Variants in KCNB2 observed in about 807,000 individuals in gnomAD.
KCNB2 encodes potassium voltage-gated channel subfamily B member 2, also known as delayed rectifier potassium channel protein.
KCNB2 carries 15 observed loss-of-function variants against 61.5 expected under a neutral mutation model. The observed-to-expected ratio is 0.24, with a 90% CI of 0.16 to 0.38. The LOEUF (loss-of-function observed/expected upper bound fraction) is 0.38. Among genes scored for constraint, KCNB2 ranks in the 10% least tolerant of loss-of-function variants. The pLI, the probability that KCNB2 is intolerant of heterozygous loss-of-function variation, is 1.00. For missense variants in KCNB2, 828 were observed against 1,125.2 expected, an observed-to-expected ratio of 0.74 and a Z score of 3.78; for synonymous variants, 457 against 446.0, an observed-to-expected ratio of 1.02 and a Z score of -0.31.
At chr8:72,652,137 A>T (rs1299915899) in intron 2 of KCNB2, among the ~76,000 whole-genome samples, 3 of 152,156 alleles carry the variant, frequency 2.0e-5, no homozygotes, top group African/African-American at 7.2e-5. Flanking sequence ...CCCTTGGACA[A>T]ATTTTGTAAA....
At chr8:72,906,362 C>T (rs1462114030) in intron 2 of KCNB2, among the ~76,000 whole-genome samples, 1 of 152,208 alleles carries the variant, frequency 6.6e-6, no homozygotes, top group African/African-American at 2.4e-5. Context: ...GTATCAAAAA[C>T]ACTTCCAGAA....
chr8:72,634,397 G>A (rs1805933262), intron 2 of KCNB2, among the ~76,000 whole-genome samples: 1 of 152,212 alleles, frequency 6.6e-6, no homozygotes, highest in African/African-American at 2.4e-5. Context: ...TCTGAGATGA[G>A]GCCTGAAATT....
chr8:72,647,152 A>G (rs922693719), intron 2 of KCNB2, among the ~76,000 whole-genome samples: 2 of 152,104 alleles, frequency 1.3e-5, no homozygotes, highest in African/African-American at 4.8e-5. Flanking sequence ...ATGTCCTAAA[A>G]TAGTTGTGGA....
chr8:72,631,075 ATAAC>A (rs1330791674), intron 2 of KCNB2, among the ~76,000 whole-genome samples: 2 of 152,220 alleles, frequency 1.3e-5, no homozygotes, highest in African/African-American at 2.4e-5. Flanking sequence ...ATGAACAACA[ATAAC>A]TAATAATAAA....
chr8:72,785,792 A>G (rs1808836579), intron 2 of KCNB2, among the ~76,000 whole-genome samples: 1 of 152,174 alleles, frequency 6.6e-6, no homozygotes, highest in Non-Finnish European at 1.5e-5. Context: ...TAAATGTAGA[A>G]GATGAGATTC....
chr8:72,859,392 A>G (rs1238474042), intron 2 of KCNB2, among the ~76,000 whole-genome samples: 6 of 152,164 alleles, frequency 3.9e-5, no homozygotes, highest in Admixed American at 1.3e-4. Context: ...CAATCCACCC[A>G]TTTAAAAGTA....
chr8:72,791,446 G>A (rs1201835205), intron 2 of KCNB2, among the ~76,000 whole-genome samples: 5 of 152,136 alleles, frequency 3.3e-5, no homozygotes, highest in Non-Finnish European at 7.4e-5. Context: ...CCACTTGGGA[G>A]GCTGAGGCAG....
rs866597271 is a variant in KCNB2 at position 72,568,182 on chromosome 8, G to A, written c.448G>A (p.Glu150Lys). 1 of 1,613,982 alleles carries A rather than the reference G, an allele frequency of 6.2e-7. No individual in the cohort carries two copies. ...RYHQKKEQMN[E>K]ELRREAETMR... ...TCATCAAAAAAAAGAACAAATGAAC[G>A]AAGAACTGAGGCGAGAGGCAGAGAC... Residue 150 changes from glutamate to lysine, a missense_variant, in exon 2 of 3, where the codon GAA becomes AAA. This residue lies in a region of KCNB2 where 163 missense variants were observed against 314.4 expected (regional missense o/e 0.52). Coordinates refer to ENST00000523207, the MANE Select transcript of KCNB2 (RefSeq NM_004770.3).
At chr8:72,807,107 A>G (rs1809237264) in intron 2 of KCNB2, among the ~76,000 whole-genome samples, 1 of 152,220 alleles carries the variant, frequency 6.6e-6, no homozygotes. Context: ...CCAAGGAAGG[A>G]AAATAATTGG....
intron 2 of KCNB2, among the ~76,000 whole-genome samples, chr8:72,785,203 A>C (rs1316802589): frequency 6.6e-6 from 1 of 152,212 alleles, no homozygotes; most frequent in Non-Finnish European, 1.5e-5. Flanking sequence ...GAAATTAATT[A>C]CACCAAACAT....
intron 1 of KCNB2, among the ~76,000 whole-genome samples, chr8:72,548,450 G>A (rs1352356333): frequency 6.6e-6 from 1 of 152,168 alleles, no homozygotes; most frequent in African/African-American, 2.4e-5. Context: ...ACCCTGGTTT[G>A]CTATCTTGGA....
chr8:72,599,135 C>T (rs1458183654), intron 2 of KCNB2, among the ~76,000 whole-genome samples: 12 of 151,930 alleles, frequency 7.9e-5, no homozygotes, highest in African/African-American at 2.4e-4. Context: ...GAGCCCGCAT[C>T]GCCAAGTCAA....
At chr8:72,809,462 C>G (rs1809272090) in intron 2 of KCNB2, among the ~76,000 whole-genome samples, 1 of 152,136 alleles carries the variant, frequency 6.6e-6, no homozygotes, top group Admixed American at 6.5e-5. Context: ...GCTCTTCTCC[C>G]TGGAACTCCT....
chr8:72,604,251 AC>A (rs1805412174), intron 2 of KCNB2, among the ~76,000 whole-genome samples: 1 of 152,176 alleles, frequency 6.6e-6, no homozygotes, highest in Non-Finnish European at 1.5e-5. Context: ...TTAGAACACA[AC>A]CTATACACAA....
rs142819460 is a variant in KCNB2 at position 72,929,568 on chromosome 8, C to T, written c.580-6367C>T. Among the ~76,000 whole-genome samples the T allele has an allele frequency of 3.9e-3, 588 of 152,264 alleles. 4 individuals are homozygous for T. Among genetic ancestry groups the T allele is most frequent in the African/African-American group, 0.013 (552 of 41,548 alleles). ...TTATGTAACAAAAATTTACTTTGGA[C>T]GTTCAACTAAAATGACATCATCAAC... On this transcript the variant is annotated intron_variant, in intron 2 of 2. Transcript: ENST00000523207.
At chr8:72,870,988 T>C (rs1805606424) in intron 2 of KCNB2, among the ~76,000 whole-genome samples, 1 of 151,886 alleles carries the variant, frequency 6.6e-6, no homozygotes, top group African/African-American at 2.4e-5. Flanking sequence ...AGGGGGAAAA[T>C]AGAGAAAAGA....
chr8:72,889,292 G>A (rs1397333859), intron 2 of KCNB2, among the ~76,000 whole-genome samples: 2 of 152,126 alleles, frequency 1.3e-5, no homozygotes, highest in Non-Finnish European at 2.9e-5. Context: ...TGATCCCAGG[G>A]CATTAAAGGA....
At chr8:72,678,301 C>A (rs1563556967) in intron 2 of KCNB2, among the ~76,000 whole-genome samples, 1 of 152,142 alleles carries the variant, frequency 6.6e-6, no homozygotes, top group Admixed American at 6.5e-5. Flanking sequence ...CCTGGGAGAT[C>A]CTTTTAAAAC....
intron 2 of KCNB2, among the ~76,000 whole-genome samples, chr8:72,873,144 G>C (rs1380201047): frequency 6.6e-6 from 1 of 152,200 alleles, no homozygotes; most frequent in East Asian, 1.9e-4. Flanking sequence ...CATCTCAGTG[G>C]TGACTTTTTG....
Sources: gnomAD v4.1 joint callset for allele counts (sites outside exome capture counted in the v4.1 genomes callset) on GRCh38, gnomAD v4.1.1 for gene constraint, gnomAD v4.1.1 regional missense constraint, MANE v1.5 for transcripts, NCBI Gene and HGNC (gene_info 2026-07-23, HGNC 2026-07-21) for gene names.